Variants in MAF observed in about 807,000 individuals in gnomAD.
The protein encoded by MAF is transcription factor Maf.
A neutral mutation model predicts 22.0 loss-of-function variants in MAF; 10 were observed. That is an observed-to-expected ratio of 0.45 (90% CI 0.28 to 0.77). MAF has a LOEUF of 0.77. Ranked by LOEUF, MAF falls within the 30% of genes least tolerant of loss-of-function variation. The probability of loss-of-function intolerance (pLI) is 0.12; values close to 1 mark genes in which losing one functional copy is unlikely to be tolerated. For missense variants in MAF, 544 were observed against 548.4 expected (o/e 0.99, Z 0.08); for synonymous variants, 337 against 255.8 (o/e 1.32, Z -3.03).
the MAF span, among the ~76,000 whole-genome samples, chr16:79,219,606 G>A: frequency 1.4e-5 from 2 of 139,378 alleles, no homozygotes; most frequent in Non-Finnish European, 3.1e-5. Flanking sequence ...GAATGTTACT[G>A]TCCCCTTTTC....
At chr16:79,311,818 G>A in the MAF span, among the ~76,000 whole-genome samples, 2 of 152,118 alleles carry the variant, frequency 1.3e-5, no homozygotes, top group Admixed American at 6.5e-5. Flanking sequence ...GAAAGTGGTC[G>A]GCACTTCTGT....
At chr16:79,546,417 G>T in the MAF span, among the ~76,000 whole-genome samples, 2 of 152,090 alleles carry the variant, frequency 1.3e-5, no homozygotes, top group Non-Finnish European at 2.9e-5. Flanking sequence ...ACTTGGGCTG[G>T]GAGAAGAGAT....
At chr16:79,346,010 T>C in the MAF span, among the ~76,000 whole-genome samples, 2 of 152,160 alleles carry the variant, frequency 1.3e-5, no homozygotes, top group African/African-American at 4.8e-5. Flanking sequence ...GCTTTTCTAC[T>C]ATGTTTCTCC....
the MAF span, among the ~76,000 whole-genome samples, chr16:79,539,842 G>A: frequency 1.6e-4 from 25 of 152,318 alleles, no homozygotes; most frequent in Admixed American, 1.4e-3. Context: ...AGGCATGTGT[G>A]CATTGAAAAT....
the MAF span, among the ~76,000 whole-genome samples, chr16:79,499,044 T>C: frequency 6.6e-6 from 1 of 152,152 alleles, no homozygotes; most frequent in African/African-American, 2.4e-5. Context: ...ATAGACAAGG[T>C]AGCACAGACA....
At chr16:79,257,422 G>T in the MAF span, among the ~76,000 whole-genome samples, 2 of 152,136 alleles carry the variant, frequency 1.3e-5, no homozygotes, top group African/African-American at 2.4e-5. Context: ...ACTTTGCTCT[G>T]TTCTTCCAGA....
the MAF span, among the ~76,000 whole-genome samples, chr16:79,376,980 A>G: frequency 6.6e-6 from 1 of 152,220 alleles, no homozygotes. Context: ...GCCACAATAA[A>G]CATACGTGTG....
the MAF span, among the ~76,000 whole-genome samples, chr16:79,398,591 A>G: frequency 6.6e-6 from 1 of 152,110 alleles, no homozygotes; most frequent in African/African-American, 2.4e-5. Flanking sequence ...TGGTATCAAC[A>G]TCACAGGCTT....
chr16:79,406,644 T>A, the MAF span, among the ~76,000 whole-genome samples: 1 of 152,162 alleles, frequency 6.6e-6, no homozygotes, highest in Non-Finnish European at 1.5e-5. Context: ...CATTGGGGGA[T>A]AGGATTTCAA....
chr16:79,254,611 G>A, the MAF span, among the ~76,000 whole-genome samples: 1 of 152,176 alleles, frequency 6.6e-6, no homozygotes, highest in Admixed American at 6.5e-5. Flanking sequence ...GTCAGAGCCT[G>A]TGTTACATGA....
the MAF span, among the ~76,000 whole-genome samples, chr16:79,402,541 C>T: frequency 0.052 from 7,883 of 152,188 alleles, 466 homozygotes; most frequent in African/African-American, 0.14. Flanking sequence ...AGAGGTGGGG[C>T]GCTGGGTGGG....
chr16:79,314,807 C>T, the MAF span, among the ~76,000 whole-genome samples: 6 of 152,176 alleles, frequency 3.9e-5, no homozygotes, highest in African/African-American at 1.4e-4. Context: ...TCTCCATCCA[C>T]TTCCTTCCCT....
At chr16:79,461,839 T>C in the MAF span, among the ~76,000 whole-genome samples, 1 of 152,164 alleles carries the variant, frequency 6.6e-6, no homozygotes, top group African/African-American at 2.4e-5. Context: ...CACTTCCTTT[T>C]CTTCATGAAC....
chr16:79,292,726 G>C, the MAF span, among the ~76,000 whole-genome samples: 1 of 152,114 alleles, frequency 6.6e-6, no homozygotes, highest in East Asian at 1.9e-4. Flanking sequence ...AGGGTACAAA[G>C]ACCTTGCTGA....
the MAF span, among the ~76,000 whole-genome samples, chr16:79,329,078 ATT>A: frequency 6.5e-3 from 960 of 147,032 alleles, 3 homozygotes; most frequent in Middle Eastern, 0.014. Context: ...TCCTTCTGTG[ATT>A]TTTTTTTTTT....
the MAF span, among the ~76,000 whole-genome samples, chr16:79,413,232 TTTTTTTTTTTTTTTTTTTTTTTTTTTTTG>T: frequency 6.4e-5 from 2 of 31,320 alleles, no homozygotes; most frequent in South Asian, 2.2e-3. Flanking sequence ...TTTTTTTTTT[TTTTTTTTTTTTTTTTTTTTTTTTTTTTTG>T]AGACGGAGTC....
At chr16:79,421,241 G>T in the MAF span, among the ~76,000 whole-genome samples, 395 of 152,298 alleles carry the variant, frequency 2.6e-3, 1 homozygote, top group Non-Finnish European at 3.5e-3. Context: ...GTCTCAGAAC[G>T]TATTCCCTTG....
the MAF span, among the ~76,000 whole-genome samples, chr16:79,484,135 T>C: frequency 6.6e-6 from 1 of 152,194 alleles, no homozygotes; most frequent in Non-Finnish European, 1.5e-5. Context: ...TTGGACCACC[T>C]GGAAGACAAT....
chr16:79,423,052 G>A, the MAF span, among the ~76,000 whole-genome samples: 22 of 152,230 alleles, frequency 1.4e-4, no homozygotes, highest in African/African-American at 5.3e-4. Context: ...CAGCCAGCCA[G>A]GTAAAGCCCA....
Sources: allele counts gnomAD v4.1 joint callset (sites outside exome capture counted in the v4.1 genomes callset), GRCh38; gene constraint gnomAD v4.1.1; transcripts MANE v1.5; gene names NCBI Gene and HGNC (gene_info 2026-07-23, HGNC 2026-07-21).